The following CCSER2 variants were observed in gnomAD, a reference collection of about 807,000 sequenced individuals.
The protein encoded by CCSER2 is serine-rich coiled-coil domain-containing protein 2.
CCSER2 carries 46 observed loss-of-function variants against 92.3 expected under a neutral mutation model. The observed-to-expected ratio is 0.50, with a 90% CI of 0.39 to 0.64. The LOEUF (loss-of-function observed/expected upper bound fraction) is 0.64, where lower values mean the gene tolerates loss of function less well. CCSER2 is among the 30% of genes least tolerant of loss of function. The pLI, the probability that CCSER2 is intolerant of heterozygous loss-of-function variation, is 0.00. For synonymous variants in CCSER2, 433 were observed against 431.4 expected (o/e 1.00, Z -0.04); for missense variants, 1,244 against 1,238.9 (o/e 1.00, Z -0.06).
At chr10:84,397,072 A>G (rs902883206) in intron 3 of CCSER2, among the ~76,000 whole-genome samples, 4 of 152,176 alleles carry the variant, frequency 2.6e-5, no homozygotes, top group African/African-American at 9.7e-5. Flanking sequence ...TTGTGTAGAA[A>G]CTTCTGCATA....
At chr10:84,487,586 A>C (rs756664618) in intron 9 of CCSER2, among the ~76,000 whole-genome samples, 1 of 152,172 alleles carries the variant, frequency 6.6e-6, no homozygotes, top group Non-Finnish European at 1.5e-5. Flanking sequence ...TTGCACAATG[A>C]TTTTGTATCC....
At chr10:84,348,217 G>A (rs1844644018) in intron 1 of CCSER2, among the ~76,000 whole-genome samples, 2 of 152,246 alleles carry the variant, frequency 1.3e-5, no homozygotes, top group African/African-American at 4.8e-5. Context: ...TCGGGAGGCC[G>A]AGGCTGGCGG....
chr10:84,401,289 A>G (rs1842103531), intron 3 of CCSER2, among the ~76,000 whole-genome samples: 1 of 152,218 alleles, frequency 6.6e-6, no homozygotes, highest in Non-Finnish European at 1.5e-5. Context: ...GAAAAGATCA[A>G]TAAAATTGAT....
Position 84,438,509 on chromosome 10 carries a change from C to G in CCSER2, c.1869-3C>G, listed in dbSNP as rs1477565364. 6.4e-7 allele frequency: 1 copy of G among 1,563,270 alleles called. No individual in the cohort carries two copies. Among genetic ancestry groups the G allele is most frequent in the East Asian group, 2.3e-5 (1 of 44,328 alleles). On this transcript the variant is annotated splice_polypyrimidine_tract_variant and splice_region_variant and intron_variant, in intron 5 of 9. Coordinates refer to ENST00000372088, the MANE Select transcript of CCSER2 (RefSeq NM_001284240.2). ...CCCTCCACCTTCTTCCCTGCCCTTC[C>G]AGAGGCTCTCCCTATAGAGAATCTC...
Position 84,373,794 on chromosome 10 carries a change from G to A in CCSER2, c.1593G>A (p.Glu531=), listed in dbSNP as rs1846190775. The A allele has an allele frequency of 3.1e-6, 5 of 1,613,682 alleles. No individual in the cohort carries two copies. The highest frequency in any genetic ancestry group is 4.2e-6 in the Non-Finnish European group (5 of 1,179,734). Residue 531 remains glutamate (E), a synonymous_variant, in exon 3 of 10, where the codon GAG becomes GAA. Transcript: ENST00000372088. ...ATGTCCATCCAGTTGGGAGCTATGA[G>A]TCCTCTGAAATGAACAGCATAGTAT... ...IGNVHPVGSY[E]SSEMNSIDIL... is the part of the protein sequence containing the mutation.
intron 4 of CCSER2, among the ~76,000 whole-genome samples, chr10:84,421,909 T>C (rs1254317950): frequency 2.0e-5 from 3 of 152,236 alleles, no homozygotes; most frequent in East Asian, 3.9e-4. Flanking sequence ...CTAATGGTGA[T>C]AGATGGAGGG....
intron 3 of CCSER2, among the ~76,000 whole-genome samples, chr10:84,403,431 A>G (rs1842221944): frequency 6.6e-6 from 1 of 152,190 alleles, no homozygotes; most frequent in African/African-American, 2.4e-5. Flanking sequence ...GAAATTGACA[A>G]ATTGAACCTC....
chr10:84,429,363 G>C (rs1387613763), intron 5 of CCSER2, among the ~76,000 whole-genome samples: 1 of 152,122 alleles, frequency 6.6e-6, no homozygotes, highest in Non-Finnish European at 1.5e-5. Context: ...TATTGAAAGT[G>C]AGGTGTTCAA....
At chr10:84,465,290 T>TGTGTGTGTGTGA (rs1163509232) in intron 7 of CCSER2, among the ~76,000 whole-genome samples, 1 of 100,660 alleles carries the variant, frequency 9.9e-6, no homozygotes. Flanking sequence ...TGTGTGTGTG[T>TGTGTGTGTGTGA]GAAAAAGTTT....
Position 84,514,205 on chromosome 10 carries a change from C to T in CCSER2, c.3082C>T (p.His1028Tyr), listed in dbSNP as rs779348546. The stretch of plus-strand genomic sequence containing the variant: ...CATGCAGAATCCAAATGGCAATTTG[C>T]ATTCTGGGGATTGTTTGGCCTCTAA... ...EIMQNPNGNL[H>Y]SGDCLASNRY... Residue 1028 changes from histidine (H) to tyrosine (Y), a missense_variant, in exon 10 of 10, where the codon CAT becomes TAT. Transcript: ENST00000372088. 10 of 1,536,358 alleles carry T rather than the reference C, an allele frequency of 6.5e-6. No homozygotes were observed. Among genetic ancestry groups the T allele is most frequent in the Non-Finnish European group, 8.7e-6 (10 of 1,146,956 alleles).
rs1390084810 is a variant in CCSER2 at position 84,514,420 on chromosome 10, C to T, written c.*153C>T. 4 of 612,930 alleles carry T rather than the reference C, an allele frequency of 6.5e-6. No homozygotes were observed. The highest frequency in any genetic ancestry group is 8.4e-6 in the Non-Finnish European group (3 of 356,968). The allele number at this position is 612,930 out of a possible 1,614,324, so 38.0% of individuals were successfully genotyped here. A position where few individuals can be genotyped will look rare whatever the true frequency, so the allele number is the denominator to read the frequency against. ...GTGGAAGCTTCTACTAGTTTGGCTC[C>T]TTCATTTTATATCCTGGTTGAAGTA... On this transcript the variant is annotated 3_prime_UTR_variant, in exon 10 of 10. Coordinates refer to ENST00000372088, the MANE Select transcript of CCSER2 (RefSeq NM_001284240.2).
rs185597186 is a variant in CCSER2, at chr10:84,438,786, A to G, written c.2064+79A>G. The G allele has an allele frequency of 4.8e-6, 4 of 828,678 alleles. No individual in the cohort carries two copies. The East Asian group carries it at 1.0e-4, about 21-fold the overall frequency. 51.3% of individuals were successfully genotyped at this position (828,678 alleles called of 1,614,324 possible). On this transcript the variant is annotated intron_variant, in intron 6 of 9. Transcript: ENST00000372088. ...TGACTTTAGTTTTTTTTAAAAAAAT[A>G]CTTACTGGGTTTCTCATGTCTTTTT...
chr10:84,349,598 C>T (rs1421899295), intron 1 of CCSER2, among the ~76,000 whole-genome samples: 1 of 152,110 alleles, frequency 6.6e-6, no homozygotes, highest in East Asian at 1.9e-4. Flanking sequence ...GAGAGGACTG[C>T]TTGAGCCCAG....
At chr10:84,457,280 T>TATATATTATATATTATATATA (rs1845725748) in intron 6 of CCSER2, among the ~76,000 whole-genome samples, 2 of 18,284 alleles carry the variant, frequency 1.1e-4, no homozygotes, top group Non-Finnish European at 7.6e-5. Context: ...TATAATATAT[T>TATATATTATATATTATATATA]ATATATTATA....
chr10:84,424,270 A>G (rs1211320460), intron 4 of CCSER2, among the ~76,000 whole-genome samples: 3 of 151,588 alleles, frequency 2.0e-5, no homozygotes, highest in Non-Finnish European at 2.9e-5. Context: ...GAAGTTTTCT[A>G]TAACTGAACT....
At chr10:84,376,234 A>T (rs1846331339) in intron 3 of CCSER2, among the ~76,000 whole-genome samples, 1 of 152,156 alleles carries the variant, frequency 6.6e-6, no homozygotes, top group Admixed American at 6.5e-5. Flanking sequence ...TACCAGTATT[A>T]TGCAGAGGTC....
chr10:84,383,549 A>T (rs942733871), intron 3 of CCSER2, among the ~76,000 whole-genome samples: 3 of 152,070 alleles, frequency 2.0e-5, no homozygotes, highest in Non-Finnish European at 4.4e-5. Flanking sequence ...TGACCTCATG[A>T]TCTACCCACC....
At chr10:84,475,116 A>T (rs2133731002) in intron 8 of CCSER2, among the ~76,000 whole-genome samples, 1 of 152,328 alleles carries the variant, frequency 6.6e-6, no homozygotes, top group East Asian at 1.9e-4. Flanking sequence ...TAAAATCAAC[A>T]AACCCTTTCT....
At chr10:84,333,273 G>A (rs1843673803) in intron 1 of CCSER2, among the ~76,000 whole-genome samples, 1 of 152,122 alleles carries the variant, frequency 6.6e-6, no homozygotes, top group Non-Finnish European at 1.5e-5. Flanking sequence ...TCCCATTCTA[G>A]ATAGATGAGA....
Sources: allele counts gnomAD v4.1 joint callset (sites outside exome capture counted in the v4.1 genomes callset), GRCh38; gene constraint gnomAD v4.1.1; transcripts MANE v1.5; gene names NCBI Gene and HGNC (gene_info 2026-07-23, HGNC 2026-07-21).